Variants in OXCT1 observed in about 807,000 individuals in gnomAD.
OXCT1 encodes 3-oxoacid CoA-transferase 1.
Under a neutral mutation model 69.6 loss-of-function variants are expected in OXCT1, and 27 were observed. The observed-to-expected ratio is 0.39, with a 90% CI of 0.29 to 0.54. OXCT1 has a LOEUF of 0.54. Ranked by LOEUF, OXCT1 falls within the 20% of genes least tolerant of loss-of-function variation. The pLI is 0.72. For synonymous variants in OXCT1, 202 were observed against 217.8 expected, an observed-to-expected ratio of 0.93 and a Z score of 0.64; for missense variants, 437 against 650.2, an observed-to-expected ratio of 0.67 and a Z score of 3.57.
chr5:41,775,779 C>T (rs1364403565), intron 13 of OXCT1, among the ~76,000 whole-genome samples: 1 of 152,076 alleles, frequency 6.6e-6, no homozygotes, highest in Non-Finnish European at 1.5e-5. Flanking sequence ...TTGAAAGGGG[C>T]TTATTATGAA....
chr5:41,804,064 G>A (rs902584770), intron 9 of OXCT1, among the ~76,000 whole-genome samples: 2 of 152,174 alleles, frequency 1.3e-5, no homozygotes, highest in African/African-American at 2.4e-5. Context: ...TATATATGGT[G>A]CCATATTATA....
intron 11 of OXCT1, among the ~76,000 whole-genome samples, chr5:41,796,325 C>T (rs4957422): frequency 0.014 from 2,152 of 152,288 alleles, 97 homozygotes; most frequent in South Asian, 0.079. Context: ...GCTCACATAC[C>T]ACTGTGCCAA....
chr5:41,870,102 C>T lies in OXCT1; in HGVS notation c.78+179G>A, dbSNP rs894876877. The T allele has an allele frequency of 3.0e-6, 2 of 670,724 alleles. No homozygotes were observed. Among genetic ancestry groups the T allele is most frequent in the Non-Finnish European group, 5.4e-6 (2 of 367,794 alleles). 41.5% of individuals were successfully genotyped at this position (670,724 alleles called of 1,614,324 possible). A position where few individuals can be genotyped will look rare whatever the true frequency, so the allele number is the denominator to read the frequency against. On this transcript the variant is annotated intron_variant, in intron 1 of 16. Coordinates refer to ENST00000196371, the MANE Select transcript of OXCT1 (RefSeq NM_000436.4). The surrounding 1 kb of genome is among the most constrained non-coding windows in gnomAD (Gnocchi z 4.2). Reference sequence around the variant, plus strand: ...GCAGAACCAAGCAAAGGCGGTCATCCGAGGGGCCGGCGAGGCCAGGAACGC... The same window carrying T: ...GCAGAACCAAGCAAAGGCGGTCATCTGAGGGGCCGGCGAGGCCAGGAACGC...
chr5:41,829,623 C>T (rs550296230), intron 7 of OXCT1, among the ~76,000 whole-genome samples: 6 of 152,098 alleles, frequency 3.9e-5, no homozygotes, highest in Admixed American at 2.6e-4. Context: ...ATTTTTATCA[C>T]CAATAAACTA....
At chr5:41,823,253 T>C (rs974236022) in intron 7 of OXCT1, among the ~76,000 whole-genome samples, 3 of 152,194 alleles carry the variant, frequency 2.0e-5, no homozygotes, top group African/African-American at 4.8e-5. Flanking sequence ...GAGAACGCTC[T>C]GGGTATATTT....
chr5:41,868,701 C>T (rs1412234631), intron 1 of OXCT1, among the ~76,000 whole-genome samples: 1 of 149,278 alleles, frequency 6.7e-6, no homozygotes, highest in South Asian at 2.1e-4. Flanking sequence ...CCAGCCTGGG[C>T]GACAGAGCGA....
intron 11 of OXCT1, among the ~76,000 whole-genome samples, chr5:41,796,028 T>C (rs906726007): frequency 6.6e-6 from 1 of 152,142 alleles, no homozygotes. Context: ...CCCCATAAGC[T>C]TCTATTAAAA....
intron 14 of OXCT1, among the ~76,000 whole-genome samples, chr5:41,757,125 T>C (rs186487574): frequency 6.6e-6 from 1 of 152,132 alleles, no homozygotes; most frequent in East Asian, 1.9e-4. Context: ...CATGATCCCA[T>C]TTACATTTTG....
chr5:41,763,601 A>G (rs927255995), intron 13 of OXCT1, among the ~76,000 whole-genome samples: 4 of 152,098 alleles, frequency 2.6e-5, no homozygotes, highest in Admixed American at 6.6e-5. Flanking sequence ...TTGTAGAGCA[A>G]CAAAAGACAC....
At chr5:41,764,072 A>G (rs1000529004) in intron 13 of OXCT1, among the ~76,000 whole-genome samples, 10 of 152,210 alleles carry the variant, frequency 6.6e-5, no homozygotes, top group Admixed American at 5.2e-4. Context: ...ATATAAGTGA[A>G]TAGCCTTCAC....
rs372847676 is a variant in OXCT1 at position 41,772,376 on chromosome 5, G to A, written c.1249-10176C>T. On this transcript the variant is annotated intron_variant, in intron 13 of 16. Coordinates refer to ENST00000196371, the MANE Select transcript of OXCT1 (RefSeq NM_000436.4). ...ATTAAAAAAAACAAAAAAAAAAAGAGAGAGAGAGTGACTGAAAGAACATTA... is the reference window on the plus strand; with the variant it reads ...ATTAAAAAAAACAAAAAAAAAAAGAAAGAGAGAGTGACTGAAAGAACATTA... Among the ~76,000 whole-genome samples, 16 of 151,622 alleles carry A rather than the reference G, an allele frequency of 1.1e-4. No individual in the cohort carries two copies. In the South Asian group the frequency reaches 1.5e-3, roughly 14 times the overall value.
intron 7 of OXCT1, among the ~76,000 whole-genome samples, chr5:41,821,226 T>C (rs1431431686): frequency 2.6e-5 from 4 of 152,218 alleles, no homozygotes; most frequent in Admixed American, 2.6e-4. Context: ...ATTGTTTTTA[T>C]CTACACAGGG....
intron 13 of OXCT1, 131 bp downstream of exon 13, chr5:41,793,872 G>A: frequency 1.5e-6 from 1 of 670,024 alleles, no homozygotes; most frequent in Non-Finnish European, 2.6e-6. Context: ...ATTAAAATTT[G>A]ATTCTAGTAA....
intron 7 of OXCT1, among the ~76,000 whole-genome samples, chr5:41,820,248 A>C (rs1747481184): frequency 6.6e-6 from 1 of 152,224 alleles, no homozygotes; most frequent in African/African-American, 2.4e-5. Flanking sequence ...GCAAGTTATC[A>C]AGTGTTTAAA....
intron 7 of OXCT1, among the ~76,000 whole-genome samples, chr5:41,807,669 CATTAGGCTCCAGAAGTTAGTCTTTGCTT>C (rs1380448450): frequency 3.9e-5 from 6 of 151,976 alleles, no homozygotes; most frequent in African/African-American, 1.4e-4. Flanking sequence ...AAATACAGAC[CATTAGGCTCCAGAAGTTAGTCTTTGCTT>C]AAAAGAGTCT....
chr5:41,760,485 C>G (rs1351084498), intron 14 of OXCT1, among the ~76,000 whole-genome samples: 1 of 151,988 alleles, frequency 6.6e-6, no homozygotes, highest in Non-Finnish European at 1.5e-5. Context: ...TTTCCTCTAT[C>G]AGAAATTCCA....
At position 41,794,873 on chromosome 5, in the gene OXCT1, G is replaced by C. The variant is rs981881887; in HGVS notation, c.1100-124C>G. ...TAAGCTCCCTTTACCAAAATGCAGT[G>C]ACATAGCAGGTGGGGGGACACAGTA... On this transcript the variant is annotated intron_variant, in intron 11 of 16. Coordinates refer to ENST00000196371, the MANE Select transcript of OXCT1 (RefSeq NM_000436.4). 3.1e-6 allele frequency: 3 copies of C among 962,208 alleles called. No individual in the cohort carries two copies. In the African/African-American group the frequency reaches 4.9e-5, roughly 16 times the overall value. 59.6% of individuals were successfully genotyped at this position (962,208 alleles called of 1,614,324 possible).
At chr5:41,858,889 T>C (rs977029760) in intron 3 of OXCT1, among the ~76,000 whole-genome samples, 1 of 152,224 alleles carries the variant, frequency 6.6e-6, no homozygotes, top group Non-Finnish European at 1.5e-5. Flanking sequence ...GGCTAATTTA[T>C]GACATACAGT....
intron 9 of OXCT1, among the ~76,000 whole-genome samples, chr5:41,804,140 G>A (rs1746556961): frequency 6.6e-6 from 1 of 152,092 alleles, no homozygotes; most frequent in Non-Finnish European, 1.5e-5. Context: ...GTAAATCTAT[G>A]AAGCTATGAT....
Sources: allele counts gnomAD v4.1 joint callset (sites outside exome capture counted in the v4.1 genomes callset), GRCh38; gene constraint gnomAD v4.1.1; non-coding constraint Gnocchi (gnomAD v3.1); transcripts MANE v1.5; gene names NCBI Gene and HGNC (gene_info 2026-07-23, HGNC 2026-07-21).